The following MXRA7 variants were observed in gnomAD, a reference collection of about 807,000 sequenced individuals.
The protein encoded by MXRA7 is matrix remodeling associated 7.
MXRA7 carries 18 observed loss-of-function variants against 17.4 expected under a neutral mutation model. The ratio of observed to expected loss-of-function variants is 1.03; its 90% CI spans 0.71 to 1.53. MXRA7 has a LOEUF of 1.53. MXRA7 is among the 40% of genes most tolerant of loss of function. MXRA7 has a pLI of 0.00. For synonymous variants in MXRA7, 70 were observed against 101.7 expected (o/e 0.69, Z 1.87); for missense variants, 141 against 209.3 (o/e 0.67, Z 2.01).
At chr17:76,698,764 C>G (rs2076562738) in intron 1 of MXRA7, among the ~76,000 whole-genome samples, 1 of 136,426 alleles carries the variant, frequency 7.3e-6, no homozygotes, top group Non-Finnish European at 1.5e-5. Flanking sequence ...GCTCTGTTGC[C>G]CAGGCTGGGA....
chr17:76,696,881 C>T lies in MXRA7; in HGVS notation c.343-8705G>A, dbSNP rs576302788. 4.6e-5 allele frequency among the ~76,000 whole-genome samples: 7 copies of T among 152,222 alleles called. No individual in the cohort carries two copies. In the South Asian group the frequency reaches 8.3e-4, roughly 18 times the overall value. The stretch of plus-strand genomic sequence containing the variant: ...CCAGGATCATTTCCTGGAGGCGGCA[C>T]GAACCCAACAGAGTACGCAGCTGAT... On this transcript the variant is annotated intron_variant, in intron 1 of 3. Coordinates refer to ENST00000449428, the MANE Select transcript of MXRA7 (RefSeq NM_198530.4).
In MXRA7 at chr17:76,681,647, G is replaced by A. The variant is rs763473; in HGVS notation, c.501-768C>T. Among the ~76,000 whole-genome samples, 1 of 152,212 alleles carries A rather than the reference G, an allele frequency of 6.6e-6. No individual in the cohort carries two copies. Among genetic ancestry groups the A allele is most frequent in the Non-Finnish European group, 1.5e-5 (1 of 68,030 alleles). The stretch of plus-strand genomic sequence containing the variant: ...GACAGCCCTGCAGACCTCAAATGGA[G>A]GGGTGGGTCCTGATCTATCAGAGCC... On this transcript the variant is annotated intron_variant, in intron 3 of 3. Coordinates refer to ENST00000449428, the MANE Select transcript of MXRA7 (RefSeq NM_198530.4). The surrounding 1 kb of genome is among the most constrained non-coding windows in gnomAD (Gnocchi z 4.7).
At chr17:76,699,818 C>A (rs1483970778) in intron 1 of MXRA7, among the ~76,000 whole-genome samples, 1 of 152,180 alleles carries the variant, frequency 6.6e-6, no homozygotes, top group Non-Finnish European at 1.5e-5. Flanking sequence ...CCTAGGTTTG[C>A]AGAGACTGCT....
At chr17:76,699,026 T>C (rs888105633) in intron 1 of MXRA7, among the ~76,000 whole-genome samples, 9 of 150,696 alleles carry the variant, frequency 6.0e-5, no homozygotes, top group Admixed American at 6.0e-4. Flanking sequence ...CAGCCCTGAC[T>C]TCCTTTCTAT....
chr17:76,684,041 C>T, intron 3 of MXRA7: 2 of 833,148 alleles, frequency 2.4e-6, no homozygotes, highest in Admixed American at 3.6e-5. Context: ...ACTGCCCGCC[C>T]CCCACCCACC....
At chr17:76,697,955 C>T (rs928624692) in intron 1 of MXRA7, among the ~76,000 whole-genome samples, 3 of 151,922 alleles carry the variant, frequency 2.0e-5, no homozygotes, top group African/African-American at 7.3e-5. Flanking sequence ...AGAGAGAGAA[C>T]ACTAACAGAG....
rs529503826 is a variant in MXRA7 at position 76,683,957 on chromosome 17, T to C, written c.500+1115A>G. 2.8e-4 allele frequency: 439 copies of C among 1,577,222 alleles called. 4 individuals are homozygous for C. In the South Asian group the frequency reaches 4.7e-3, roughly 17 times the overall value. On this transcript the variant is annotated intron_variant, in intron 3 of 3. Transcript: ENST00000449428. Reference sequence around the variant, plus strand: ...AATATAAATGCAGCAAACCTGGTCATGCCAAGCGGCAGCATCCTCAGCACC... The same window carrying C: ...AATATAAATGCAGCAAACCTGGTCACGCCAAGCGGCAGCATCCTCAGCACC...
chr17:76,688,031 C>T lies in MXRA7; in HGVS notation c.406+82G>A. 3 of 1,362,016 alleles carry T rather than the reference C, an allele frequency of 2.2e-6. 1 individual carries two copies. Among genetic ancestry groups the T allele is most frequent in the Middle Eastern group, 2.6e-4 (1 of 3,920 alleles). 84.4% of individuals were successfully genotyped at this position (1,362,016 alleles called of 1,614,324 possible). On this transcript the variant is annotated intron_variant, in intron 2 of 3. Coordinates refer to ENST00000449428, the MANE Select transcript of MXRA7 (RefSeq NM_198530.4). ...CCATCCCTCCCCTCGGCACTCGAAC[C>T]CCAGCTCCTGTGATCCCCAGCAGGA... is the stretch of plus-strand genomic sequence containing the variant.
chr17:76,678,745 C>G (rs73996654), downstream of MXRA7, among the ~76,000 whole-genome samples: 3,021 of 152,316 alleles, frequency 0.02, 97 homozygotes, highest in African/African-American at 0.068. Context: ...TGGCATCCCC[C>G]ACACTGCCTG....
chr17:76,683,578 CG>C (rs570624616), intron 3 of MXRA7, among the ~76,000 whole-genome samples: 1 of 152,182 alleles, frequency 6.6e-6, no homozygotes, highest in Non-Finnish European at 1.5e-5. Flanking sequence ...TGCGAGGGGG[CG>C]CTAGCACCCC....
At chr17:76,677,543 G>C (rs374528599), downstream of MXRA7, 1 of 1,344,538 alleles carries the variant, frequency 7.4e-7, no homozygotes, top group Non-Finnish European at 1.1e-6. Flanking sequence ...GGGCAAGGGT[G>C]GGGACAGCAT....
chr17:76,676,725 G>C (rs926341997), downstream of MXRA7: 2 of 152,228 alleles, frequency 1.3e-5, no homozygotes, highest in Admixed American at 6.5e-5. Flanking sequence ...GCCAGAGTGA[G>C]ACTCTGTCTC....
intron 1 of MXRA7, among the ~76,000 whole-genome samples, chr17:76,710,263 G>GAT (rs199729577): frequency 6.6e-6 from 1 of 152,238 alleles, no homozygotes. Flanking sequence ...GTCAGAAGTG[G>GAT]GTGAGGAGCA....
At chr17:76,685,916 A>T (rs1352380544) in intron 2 of MXRA7, among the ~76,000 whole-genome samples, 2 of 152,312 alleles carry the variant, frequency 1.3e-5, no homozygotes, top group East Asian at 3.9e-4. Context: ...TGGTTCCTGA[A>T]TCCAGCAGGT....
At chr17:76,692,127 G>A (rs1217889293) in intron 1 of MXRA7, among the ~76,000 whole-genome samples, 1 of 151,648 alleles carries the variant, frequency 6.6e-6, no homozygotes, top group Admixed American at 6.6e-5. Flanking sequence ...AGGCAGGTGC[G>A]TCGCTTGAGC....
intron 1 of MXRA7, among the ~76,000 whole-genome samples, chr17:76,696,357 T>C (rs1329947438): frequency 1.3e-5 from 2 of 151,652 alleles, no homozygotes; most frequent in Non-Finnish European, 2.9e-5. Context: ...CCCATCTCTA[T>C]AAAAAATTAA....
downstream of MXRA7, among the ~76,000 whole-genome samples, chr17:76,679,181 G>A (rs2076265741): frequency 1.3e-5 from 2 of 151,984 alleles, no homozygotes; most frequent in African/African-American, 4.8e-5. Context: ...CCAGCTACCT[G>A]GGAGGCTGAG....
chr17:76,705,364 GC>G (rs1362851628), intron 1 of MXRA7, among the ~76,000 whole-genome samples: 2 of 152,134 alleles, frequency 1.3e-5, no homozygotes, highest in African/African-American at 4.8e-5. Flanking sequence ...CTATTCAGTT[GC>G]TCTATATCGT....
chr17:76,697,988 A>G (rs1300649800), intron 1 of MXRA7, among the ~76,000 whole-genome samples: 1 of 151,780 alleles, frequency 6.6e-6, no homozygotes, highest in African/African-American at 2.4e-5. Context: ...ATAGAGACAG[A>G]TTTCTGCCTG....
Sources: gnomAD v4.1 joint callset for allele counts (sites outside exome capture counted in the v4.1 genomes callset) on GRCh38, gnomAD v4.1.1 for gene constraint, Gnocchi (gnomAD v3.1) non-coding constraint, MANE v1.5 for transcripts, NCBI Gene and HGNC (gene_info 2026-07-23, HGNC 2026-07-21) for gene names.